PDZD2: variants seen among roughly 807,000 people sequenced by gnomAD.
The protein encoded by PDZD2 is PDZ domain-containing protein 2.
Under a neutral mutation model 220.7 loss-of-function variants are expected in PDZD2, and 90 were observed. That is an observed-to-expected ratio of 0.41 (90% confidence interval 0.34 to 0.49). The LOEUF (loss-of-function observed/expected upper bound fraction) is 0.49, where lower values mean the gene tolerates loss of function less well. Ranked by LOEUF, PDZD2 falls within the 20% of genes least tolerant of loss-of-function variation. The pLI is 0.28. For missense variants in PDZD2, 3,174 were observed against 3,608.5 expected (o/e 0.88, Z 3.08); for synonymous variants, 1,375 against 1,450.5 (o/e 0.95, Z 1.18).
chr5:31,742,991 G>A (rs1750357721), intron 1 of PDZD2, among the ~76,000 whole-genome samples: 1 of 152,128 alleles, frequency 6.6e-6, no homozygotes, highest in Non-Finnish European at 1.5e-5. Flanking sequence ...AGTGAATTCA[G>A]AAACTTTTCC....
intron 6 of PDZD2, among the ~76,000 whole-genome samples, chr5:32,029,372 C>A (rs943555510): frequency 1.5e-5 from 2 of 133,354 alleles, no homozygotes; most frequent in Admixed American, 7.9e-5. Flanking sequence ...ACTATAGTTT[C>A]ATGGATGCTG....
intron 6 of PDZD2, among the ~76,000 whole-genome samples, chr5:32,020,030 A>AAT (rs371710368): frequency 0.017 from 2,600 of 150,830 alleles, 51 homozygotes; most frequent in African/African-American, 0.043. Context: ...TGTAAAGTAG[A>AAT]ATATATATAT....
intron 1 of PDZD2, among the ~76,000 whole-genome samples, chr5:31,695,919 A>G (rs946567631): frequency 1.6e-4 from 24 of 152,142 alleles, no homozygotes; most frequent in Non-Finnish European, 2.9e-5. Context: ...CGTCTTCAAA[A>G]TTCTACCTTA....
At chr5:32,052,836 G>A in intron 9 of PDZD2, 106 bp downstream of exon 9, 4 of 1,217,840 alleles carry the variant, frequency 3.3e-6, no homozygotes, top group Non-Finnish European at 4.7e-6. Flanking sequence ...TTAGAAACAG[G>A]TTCTTGCTCT....
intron 6 of PDZD2, among the ~76,000 whole-genome samples, chr5:32,027,930 C>G (rs1309694542): frequency 2.6e-5 from 4 of 151,750 alleles, no homozygotes; most frequent in Admixed American, 6.6e-5. Context: ...GTGACTGAAG[C>G]CTGAAAGGGA....
At chr5:31,748,878 G>A (rs1362849073) in intron 1 of PDZD2, among the ~76,000 whole-genome samples, 2 of 152,180 alleles carry the variant, frequency 1.3e-5, no homozygotes, top group African/African-American at 4.8e-5. Flanking sequence ...GGCTGGGCTT[G>A]TTGCACCTGG....
intron 15 of PDZD2, 136 bp downstream of exon 15, chr5:32,069,786 T>C: frequency 1.6e-6 from 1 of 614,128 alleles, no homozygotes; most frequent in South Asian, 2.0e-5. Context: ...AAAGACAGTC[T>C]ATGCTTTCTC....
At chr5:31,970,980 C>T (rs1749246071) in intron 2 of PDZD2, among the ~76,000 whole-genome samples, 1 of 152,140 alleles carries the variant, frequency 6.6e-6, no homozygotes, top group African/African-American at 2.4e-5. Context: ...CTCAAGGTGT[C>T]CAGAACTTCT....
chr5:32,011,074 T>G (rs1753280350), intron 6 of PDZD2, among the ~76,000 whole-genome samples: 1 of 151,840 alleles, frequency 6.6e-6, no homozygotes, highest in Middle Eastern at 3.4e-3. Context: ...TATTAATTTC[T>G]AGAATGCTTT....
chr5:31,825,314 T>C (rs73753516), intron 2 of PDZD2, among the ~76,000 whole-genome samples: 10,907 of 152,200 alleles, frequency 0.072, 983 homozygotes, highest in African/African-American at 0.21. Flanking sequence ...GCTGGTTTCT[T>C]TAGAGGAACA....
At chr5:31,871,669 G>A (rs974465587) in intron 2 of PDZD2, among the ~76,000 whole-genome samples, 5 of 151,772 alleles carry the variant, frequency 3.3e-5, no homozygotes, top group African/African-American at 1.2e-4. Flanking sequence ...GGCTGGTCTT[G>A]AACTCCTGAC....
intron 6 of PDZD2, among the ~76,000 whole-genome samples, chr5:32,011,391 C>T (rs1054880893): frequency 1.3e-5 from 2 of 151,592 alleles, no homozygotes; most frequent in African/African-American, 4.8e-5. Flanking sequence ...CTCAGCTACT[C>T]AGGAGGCTGA....
intron 1 of PDZD2, among the ~76,000 whole-genome samples, chr5:31,690,667 T>C (rs1221570453): frequency 6.6e-6 from 1 of 152,188 alleles, no homozygotes; most frequent in African/African-American, 2.4e-5. Flanking sequence ...TGTATCTCCA[T>C]GTATCCTCCC....
At chr5:31,940,322 G>A (rs1252664909) in intron 2 of PDZD2, among the ~76,000 whole-genome samples, 17 of 152,126 alleles carry the variant, frequency 1.1e-4, no homozygotes, top group South Asian at 2.1e-4. Flanking sequence ...GATTGCCTTC[G>A]TTAAGCACAT....
chr5:32,080,079 T>C (rs1238501246), intron 19 of PDZD2, among the ~76,000 whole-genome samples: 4 of 152,122 alleles, frequency 2.6e-5, no homozygotes, highest in Non-Finnish European at 5.9e-5. Flanking sequence ...CCGGGCGCAG[T>C]GGCTCACACC....
chr5:31,869,521 G>A (rs767942935), intron 2 of PDZD2, among the ~76,000 whole-genome samples: 9 of 151,836 alleles, frequency 5.9e-5, no homozygotes, highest in South Asian at 4.2e-4. Flanking sequence ...CCAAGATCAC[G>A]CCACTGCACT....
At chr5:31,812,727 A>C (rs1397436357) in intron 2 of PDZD2, among the ~76,000 whole-genome samples, 1 of 152,166 alleles carries the variant, frequency 6.6e-6, no homozygotes, top group Non-Finnish European at 1.5e-5. Context: ...TGGGCAGAAA[A>C]ACTAAAGAAA....
At chr5:31,891,127 C>CTTTTTTT (rs869189606) in intron 2 of PDZD2, among the ~76,000 whole-genome samples, 9 of 96,420 alleles carry the variant, frequency 9.3e-5, no homozygotes, top group Non-Finnish European at 1.2e-4. Flanking sequence ...GGGGTTTTTC[C>CTTTTTTT]TTTTTTTTTT....
chr5:31,642,686 G>A (rs1744995437), intron 1 of PDZD2, among the ~76,000 whole-genome samples: 1 of 152,204 alleles, frequency 6.6e-6, no homozygotes, highest in Non-Finnish European at 1.5e-5. Flanking sequence ...CTAGATCAGG[G>A]GTGTTTGGGC....
Sources: gnomAD v4.1 joint callset for allele counts (sites outside exome capture counted in the v4.1 genomes callset) on GRCh38, gnomAD v4.1.1 for gene constraint, MANE v1.5 for transcripts, NCBI Gene and HGNC (gene_info 2026-07-23, HGNC 2026-07-21) for gene names.